The following EXOC6B variants were observed in gnomAD, a reference collection of about 807,000 sequenced individuals.
EXOC6B encodes SEC15 homolog B.
Under a neutral mutation model 113.5 loss-of-function variants are expected in EXOC6B, and 54 were observed. The ratio of observed to expected loss-of-function variants is 0.48; its 90% CI spans 0.38 to 0.60. EXOC6B has a LOEUF of 0.60. EXOC6B is among the 20% of genes least tolerant of loss of function. The probability of loss-of-function intolerance (pLI) is 0.00; values close to 1 mark genes in which losing one functional copy is unlikely to be tolerated. For synonymous variants in EXOC6B, 357 were observed against 339.0 expected (o/e 1.05, Z -0.58); for missense variants, 797 against 977.5 (o/e 0.82, Z 2.46).
intron 20 of EXOC6B, among the ~76,000 whole-genome samples, chr2:72,231,876 A>G (rs900904658): frequency 3.3e-5 from 5 of 152,212 alleles, no homozygotes; most frequent in Admixed American, 2.0e-4. Flanking sequence ...GCGATTTCTC[A>G]GAGAACTTAA....
chr2:72,738,730 C>T (rs960284751), intron 2 of EXOC6B, among the ~76,000 whole-genome samples: 2 of 152,120 alleles, frequency 1.3e-5, no homozygotes, highest in East Asian at 1.9e-4. Context: ...AATAGCAACA[C>T]TTTGGGAGGC....
intron 8 of EXOC6B, among the ~76,000 whole-genome samples, chr2:72,525,876 A>C (rs186311104): frequency 1.1e-4 from 16 of 152,246 alleles, no homozygotes; most frequent in African/African-American, 3.9e-4. Context: ...GGACACCAAA[A>C]ATTCTTAACT....
chr2:72,815,217 G>C (rs1392396913), intron 1 of EXOC6B, among the ~76,000 whole-genome samples: 1 of 152,108 alleles, frequency 6.6e-6, no homozygotes, highest in African/African-American at 2.4e-5. Context: ...CGGGCCGGGT[G>C]CGGTGGCTCC....
At chr2:72,433,374 G>C (rs978031199) in intron 18 of EXOC6B, among the ~76,000 whole-genome samples, 2 of 152,072 alleles carry the variant, frequency 1.3e-5, no homozygotes, top group African/African-American at 4.8e-5. Flanking sequence ...TGTTTATATT[G>C]TCTTGGCTAC....
chr2:72,583,005 AAATT>A (rs1230350498), intron 6 of EXOC6B, among the ~76,000 whole-genome samples: 1 of 152,234 alleles, frequency 6.6e-6, no homozygotes, highest in African/African-American at 2.4e-5. Flanking sequence ...ACATTAAAAG[AAATT>A]AATTAGAGCT....
At chr2:72,663,344 T>G (rs1470042545) in intron 6 of EXOC6B, among the ~76,000 whole-genome samples, 1 of 152,130 alleles carries the variant, frequency 6.6e-6, no homozygotes, top group Admixed American at 6.6e-5. Context: ...AGAGAACAGA[T>G]AAGTTATTTT....
chr2:72,426,932 C>T (rs1175394321), intron 18 of EXOC6B, among the ~76,000 whole-genome samples: 3 of 152,202 alleles, frequency 2.0e-5, no homozygotes, highest in Non-Finnish European at 4.4e-5. Flanking sequence ...CCCCATGTCC[C>T]CGAGGCAGCC....
intron 18 of EXOC6B, among the ~76,000 whole-genome samples, chr2:72,439,781 T>C (rs1244718210): frequency 6.6e-6 from 1 of 152,202 alleles, no homozygotes; most frequent in African/African-American, 2.4e-5. Context: ...GATACAGTCA[T>C]TTGGAAGAAA....
chr2:72,515,147 A>G (rs1301855147), intron 8 of EXOC6B, 21 bp from the exon 9 acceptor site: 1 of 1,572,744 alleles, frequency 6.4e-7, no homozygotes. Flanking sequence ...AGAAAAGAAA[A>G]TGGGTTGACA....
At chr2:72,512,423 GGAAA>G (rs1700985741) in intron 11 of EXOC6B, among the ~76,000 whole-genome samples, 5 of 112,944 alleles carry the variant, frequency 4.4e-5, no homozygotes, top group African/African-American at 6.5e-5. Context: ...AAGGAAGGAA[GGAAA>G]GAAGGAAGGA....
intron 6 of EXOC6B, among the ~76,000 whole-genome samples, chr2:72,596,795 G>A (rs1670100702): frequency 6.6e-6 from 1 of 151,560 alleles, no homozygotes; most frequent in South Asian, 2.1e-4. Flanking sequence ...GAGCTACTAG[G>A]GAAAGCTAAA....
chr2:72,451,654 C>CTGTGCCTGTG (rs1553412938), intron 18 of EXOC6B, among the ~76,000 whole-genome samples: 1 of 142,496 alleles, frequency 7.0e-6, no homozygotes, highest in African/African-American at 2.6e-5. Context: ...GTCTTTGTGC[C>CTGTGCCTGTG]TGTGTGTGTG....
intron 8 of EXOC6B, among the ~76,000 whole-genome samples, chr2:72,550,995 T>C (rs1284273688): frequency 6.6e-6 from 1 of 151,298 alleles, no homozygotes; most frequent in African/African-American, 2.4e-5. Flanking sequence ...CTTGGATAAC[T>C]GCCATTTATT....
chr2:72,799,928 G>A (rs1427520650), intron 1 of EXOC6B, among the ~76,000 whole-genome samples: 1 of 152,074 alleles, frequency 6.6e-6, no homozygotes, highest in Non-Finnish European at 1.5e-5. Context: ...AGCTGGACAT[G>A]GTGGCATGCA....
intron 18 of EXOC6B, chr2:72,463,158 T>G (rs1304222939): frequency 2.0e-5 from 3 of 152,122 alleles, no homozygotes; most frequent in African/African-American, 4.8e-5. Flanking sequence ...CAAAATTACT[T>G]TCTTAAAACA....
intron 19 of EXOC6B, among the ~76,000 whole-genome samples, chr2:72,342,521 A>C (rs1343030844): frequency 7.9e-5 from 12 of 152,212 alleles, no homozygotes; most frequent in Non-Finnish European, 1.8e-4. Flanking sequence ...GGCTATCATC[A>C]AAAATACAAG....
At chr2:72,507,213 A>G (rs1393569178) in intron 11 of EXOC6B, among the ~76,000 whole-genome samples, 1 of 152,052 alleles carries the variant, frequency 6.6e-6, no homozygotes. Flanking sequence ...TGTTTTTGAG[A>G]TTTGATTTGA....
chr2:72,312,983 G>GT (rs1687295236), intron 20 of EXOC6B, among the ~76,000 whole-genome samples: 1 of 152,036 alleles, frequency 6.6e-6, no homozygotes, highest in African/African-American at 2.4e-5. Flanking sequence ...TACATAGAAG[G>GT]TGGCTCCATT....
At chr2:72,412,197 C>G (rs1694229255) in intron 18 of EXOC6B, among the ~76,000 whole-genome samples, 1 of 151,594 alleles carries the variant, frequency 6.6e-6, no homozygotes, top group African/African-American at 2.4e-5. Context: ...TTGGTTATAA[C>G]CAAAAAATAA....
Sources: allele counts gnomAD v4.1 joint callset (sites outside exome capture counted in the v4.1 genomes callset), GRCh38; gene constraint gnomAD v4.1.1; transcripts MANE v1.5; gene names NCBI Gene and HGNC (gene_info 2026-07-23, HGNC 2026-07-21).